The following LHFPL3 variants were observed in gnomAD, a reference collection of about 807,000 sequenced individuals.
LHFPL3 encodes the protein LHFPL tetraspan subfamily member 3 protein.
Under a neutral mutation model 19.3 loss-of-function variants are expected in LHFPL3, and 5 were observed. The observed-to-expected ratio is 0.26, with a 90% CI of 0.14 to 0.54. The LOEUF is 0.54. Ranked by LOEUF, LHFPL3 falls within the 20% of genes least tolerant of loss-of-function variation. LHFPL3 has a pLI of 0.94. For synonymous variants in LHFPL3, 133 were observed against 126.2 expected, an observed-to-expected ratio of 1.05 and a Z score of -0.36; for missense variants, 249 against 307.4, an observed-to-expected ratio of 0.81 and a Z score of 1.42.
intron 1 of LHFPL3, among the ~76,000 whole-genome samples, chr7:104,486,201 T>A (rs1793233889): frequency 6.6e-6 from 1 of 152,248 alleles, no homozygotes; most frequent in East Asian, 1.9e-4. Context: ...TCAAAGTTTT[T>A]AAATATATTT....
At chr7:104,415,568 C>T (rs1323039098) in intron 1 of LHFPL3, among the ~76,000 whole-genome samples, 1 of 152,110 alleles carries the variant, frequency 6.6e-6, no homozygotes, top group Non-Finnish European at 1.5e-5. Flanking sequence ...TTCTCTCACC[C>T]CAACTCTAAC....
At position 104,486,520 on chromosome 7, in the gene LHFPL3, G is replaced by A. The variant is rs148404189; in HGVS notation, c.445+157296G>A. Among the ~76,000 whole-genome samples the A allele has an allele frequency of 8.3e-3, 1,257 of 152,258 alleles. 13 individuals carry two copies. Among genetic ancestry groups the A allele is most frequent in the South Asian group, 0.02 (94 of 4,816 alleles). The stretch of plus-strand genomic sequence containing the variant: ...ATGCTTTCTGGCTGTGTCCTCACAT[G>A]GTGAGAGGAGTGAGGAGTCTCTCTC... On this transcript the variant is annotated intron_variant, in intron 1 of 2. Transcript: ENST00000424859.
intron 1 of LHFPL3, among the ~76,000 whole-genome samples, chr7:104,591,648 T>G (rs200980843): frequency 6.6e-6 from 1 of 152,212 alleles, no homozygotes; most frequent in Non-Finnish European, 1.5e-5. Context: ...TTTCCTGAAT[T>G]TGAATGTTGG....
chr7:104,587,903 C>T (rs1401990855), intron 1 of LHFPL3, among the ~76,000 whole-genome samples: 4 of 152,238 alleles, frequency 2.6e-5, no homozygotes, highest in Non-Finnish European at 5.9e-5. Context: ...TGTCTTTCGG[C>T]TGCATAAATC....
At chr7:104,569,325 A>G (rs1790182816) in intron 1 of LHFPL3, among the ~76,000 whole-genome samples, 1 of 152,178 alleles carries the variant, frequency 6.6e-6, no homozygotes, top group South Asian at 2.1e-4. Context: ...TCTTTGTATC[A>G]CCAGCATCTA....
At chr7:104,587,383 C>G (rs147166042) in intron 1 of LHFPL3, among the ~76,000 whole-genome samples, 2,331 of 152,286 alleles carry the variant, frequency 0.015, 55 homozygotes, top group African/African-American at 0.053. Context: ...GGTTTTCTGT[C>G]CCTGCGATAG....
chr7:104,739,988 G>C (rs1007723028), intron 2 of LHFPL3, among the ~76,000 whole-genome samples: 1 of 152,018 alleles, frequency 6.6e-6, no homozygotes, highest in African/African-American at 2.4e-5. Flanking sequence ...GTTGGGAAAG[G>C]GACCTCATGG....
chr7:104,635,573 C>T (rs905969297), intron 1 of LHFPL3, among the ~76,000 whole-genome samples: 24 of 152,248 alleles, frequency 1.6e-4, no homozygotes, highest in Middle Eastern at 3.4e-3. Context: ...ATTCTATATC[C>T]AGCCAGATTA....
At chr7:104,396,842 C>T (rs1032515585) in intron 1 of LHFPL3, among the ~76,000 whole-genome samples, 13 of 151,732 alleles carry the variant, frequency 8.6e-5, no homozygotes, top group Admixed American at 4.6e-4. Flanking sequence ...TGATGGCCTG[C>T]GTCTGTGGTC....
intron 1 of LHFPL3, chr7:104,668,473 G>C: frequency 6.2e-7 from 1 of 1,612,600 alleles, no homozygotes. Context: ...GATGGCCCAC[G>C]CCGGGATATG....
At chr7:104,711,504 C>G (rs1206432067) in intron 1 of LHFPL3, among the ~76,000 whole-genome samples, 1 of 152,188 alleles carries the variant, frequency 6.6e-6, no homozygotes, top group Non-Finnish European at 1.5e-5. Flanking sequence ...GGTGGCCAAG[C>G]AGTGGATTGC....
rs548065724 is a variant in LHFPL3, at chr7:104,829,376, A to G, written c.683-76811A>G. Reference sequence around the variant, plus strand: ...TTAAGTTTTAGGGTACATGTGCACAATGTGCAAATTACTTACATATGTATA... The same window carrying G: ...TTAAGTTTTAGGGTACATGTGCACAGTGTGCAAATTACTTACATATGTATA... On this transcript the variant is annotated intron_variant, in intron 2 of 2. Coordinates refer to ENST00000424859, the MANE Select transcript of LHFPL3 (RefSeq NM_199000.3). Among the ~76,000 whole-genome samples the G allele has an allele frequency of 2.0e-3, 307 of 151,814 alleles. 1 individual carries two copies. Among genetic ancestry groups the G allele is most frequent in the Admixed American group, 2.2e-3 (33 of 15,276 alleles).
At chr7:104,596,931 C>G (rs1204524276) in intron 1 of LHFPL3, among the ~76,000 whole-genome samples, 1 of 152,144 alleles carries the variant, frequency 6.6e-6, no homozygotes, top group Non-Finnish European at 1.5e-5. Flanking sequence ...CATTTTATCC[C>G]CAATATTAAT....
chr7:104,861,433 C>G (rs965778118), intron 2 of LHFPL3, among the ~76,000 whole-genome samples: 13 of 152,194 alleles, frequency 8.5e-5, no homozygotes, highest in African/African-American at 3.1e-4. Context: ...AGACAGATGG[C>G]ACCTTCAAAC....
chr7:104,403,096 G>A (rs1041860372), intron 1 of LHFPL3, among the ~76,000 whole-genome samples: 7 of 152,090 alleles, frequency 4.6e-5, no homozygotes, highest in Admixed American at 4.6e-4. Flanking sequence ...TAAAACCTAG[G>A]TGACAGGTTG....
chr7:104,759,529 CA>C (rs1356795096), intron 2 of LHFPL3, among the ~76,000 whole-genome samples: 1 of 152,106 alleles, frequency 6.6e-6, no homozygotes. Context: ...CAGTTTATCT[CA>C]TTCACACAAG....
At chr7:104,359,027 C>T (rs1790338574) in intron 1 of LHFPL3, among the ~76,000 whole-genome samples, 1 of 152,132 alleles carries the variant, frequency 6.6e-6, no homozygotes, top group African/African-American at 2.4e-5. Context: ...CTGACAGTGC[C>T]CTGGAGCCAG....
chr7:104,694,739 T>G (rs4255068), intron 1 of LHFPL3, among the ~76,000 whole-genome samples: 1 of 152,040 alleles, frequency 6.6e-6, no homozygotes, highest in Admixed American at 6.5e-5. Context: ...ACCAAGAAAG[T>G]TGGAGGTAAA....
intron 1 of LHFPL3, among the ~76,000 whole-genome samples, chr7:104,595,111 G>C (rs1469125815): frequency 6.6e-6 from 1 of 152,232 alleles, no homozygotes; most frequent in Non-Finnish European, 1.5e-5. Context: ...CTTTCGAGGA[G>C]AAGAGGCACT....
Sources: allele counts gnomAD v4.1 joint callset (sites outside exome capture counted in the v4.1 genomes callset), GRCh38; gene constraint gnomAD v4.1.1; transcripts MANE v1.5; gene names NCBI Gene and HGNC (gene_info 2026-07-23, HGNC 2026-07-21).